XRN2: variants seen among roughly 807,000 people sequenced by gnomAD.
The protein encoded by XRN2 is DHM1-like protein.
Under a neutral mutation model 138.5 loss-of-function variants are expected in XRN2, and 44 were observed. The observed-to-expected ratio is 0.32, with a 90% CI of 0.25 to 0.41. The LOEUF (loss-of-function observed/expected upper bound fraction) is 0.41. XRN2 is among the 10% of genes least tolerant of loss of function. The probability of loss-of-function intolerance (pLI) is 1.00; values close to 1 mark genes in which losing one functional copy is unlikely to be tolerated. For missense variants in XRN2, 937 were observed against 1,169.3 expected (o/e 0.80, Z 2.90); for synonymous variants, 354 against 369.4 (o/e 0.96, Z 0.48).
intron 4 of XRN2, among the ~76,000 whole-genome samples, chr20:21,329,098 C>G (rs2038167125): frequency 6.6e-6 from 1 of 152,142 alleles, no homozygotes; most frequent in African/African-American, 2.4e-5. Context: ...AGAGGTCTAT[C>G]TGAGGAAGCC....
chr20:21,377,257 GTTTTTTCTTTTT>G (rs2038833329), intron 27 of XRN2, among the ~76,000 whole-genome samples: 1 of 30,322 alleles, frequency 3.3e-5, no homozygotes, highest in Admixed American at 3.2e-4. Context: ...TGATTTGTCG[GTTTTTTCTTTTT>G]TTTTTTTTTG....
intron 13 of XRN2, among the ~76,000 whole-genome samples, chr20:21,338,041 C>T (rs971522831): frequency 1.3e-5 from 2 of 152,178 alleles, no homozygotes; most frequent in Non-Finnish European, 2.9e-5. Flanking sequence ...CTGGGCTCCA[C>T]TTTAGAGCAG....
At chr20:21,385,200 A>G (rs956137751) in intron 28 of XRN2, among the ~76,000 whole-genome samples, 4 of 152,190 alleles carry the variant, frequency 2.6e-5, no homozygotes, top group East Asian at 1.9e-4. Context: ...CTAAAACTCA[A>G]TTGAATTTTA....
At chr20:21,346,287 C>T (rs2038434325) in intron 16 of XRN2, 128 bp from the exon 17 acceptor site, 2 of 1,212,940 alleles carry the variant, frequency 1.6e-6, no homozygotes, top group South Asian at 3.0e-5. Context: ...TCTGTGTTAG[C>T]ATGACTGTTT....
intron 13 of XRN2, among the ~76,000 whole-genome samples, chr20:21,337,365 G>A (rs1241865053): frequency 4.6e-5 from 7 of 152,218 alleles, no homozygotes. Context: ...TAAACATAGA[G>A]TGTAAGAGAA....
chr20:21,376,031 G>A (rs1388032747), intron 27 of XRN2, among the ~76,000 whole-genome samples: 2 of 152,068 alleles, frequency 1.3e-5, no homozygotes, highest in Non-Finnish European at 2.9e-5. Flanking sequence ...GTAGAGACGG[G>A]GTTTCACCGC....
At chr20:21,362,702 G>A (rs1258975523) in intron 24 of XRN2, among the ~76,000 whole-genome samples, 1 of 152,076 alleles carries the variant, frequency 6.6e-6, no homozygotes, top group Non-Finnish European at 1.5e-5. Context: ...CTTTCTTCCT[G>A]CCCCACTTCT....
intron 20 of XRN2, among the ~76,000 whole-genome samples, chr20:21,349,835 T>A (rs1346170942): frequency 6.6e-6 from 1 of 152,236 alleles, no homozygotes; most frequent in Non-Finnish European, 1.5e-5. Flanking sequence ...CAACCTGGGA[T>A]TAGCAATGAT....
At chr20:21,378,147 A>G (rs1033460016) in intron 27 of XRN2, among the ~76,000 whole-genome samples, 2 of 152,180 alleles carry the variant, frequency 1.3e-5, no homozygotes, top group African/African-American at 4.8e-5. Context: ...TTCTTCCTAT[A>G]AATCCTGTAT....
chr20:21,335,400 C>G (rs2038272093), intron 13 of XRN2, among the ~76,000 whole-genome samples: 1 of 152,210 alleles, frequency 6.6e-6, no homozygotes, highest in South Asian at 2.1e-4. Context: ...TTCATGATCT[C>G]CCAGCACATT....
chr20:21,332,250 C>G (rs752000654), intron 8 of XRN2, 33 bp from the exon 9 acceptor site: 67 of 1,597,662 alleles, frequency 4.2e-5, no homozygotes, highest in Non-Finnish European at 5.5e-5. Flanking sequence ...AGAATACTCA[C>G]TGTTCGATGT....
chr20:21,310,138 A>G (rs2037860203), intron 1 of XRN2, among the ~76,000 whole-genome samples: 1 of 152,192 alleles, frequency 6.6e-6, no homozygotes, highest in South Asian at 2.1e-4. Flanking sequence ...AAATATTAAC[A>G]TGTTGTATTT....
At chr20:21,361,236 T>G (rs1359310593) in intron 24 of XRN2, among the ~76,000 whole-genome samples, 1 of 152,260 alleles carries the variant, frequency 6.6e-6, no homozygotes, top group Non-Finnish European at 1.5e-5. Flanking sequence ...TTCAGTTTCC[T>G]TATTTTCAAC....
chr20:21,354,058 G>A (rs1156821683), intron 20 of XRN2, among the ~76,000 whole-genome samples: 1 of 151,474 alleles, frequency 6.6e-6, no homozygotes, highest in Non-Finnish European at 1.5e-5. Context: ...AAATATATAC[G>A]CTTCAATAAC....
intron 27 of XRN2, among the ~76,000 whole-genome samples, chr20:21,377,062 TC>T (rs1191889421): frequency 6.6e-6 from 1 of 152,096 alleles, no homozygotes; most frequent in African/African-American, 2.4e-5. Flanking sequence ...AGTTTGGACT[TC>T]CTAGAAGGCA....
At chr20:21,323,669 C>G (rs536148628) in intron 1 of XRN2, among the ~76,000 whole-genome samples, 1 of 152,174 alleles carries the variant, frequency 6.6e-6, no homozygotes, top group Non-Finnish European at 1.5e-5. Context: ...GCTCTTTTCT[C>G]AAAATTAGGA....
At position 21,326,258 on chromosome 20, in the gene XRN2, T is replaced by C. The variant is rs776903908; in HGVS notation, c.76-21T>C. 1.1e-5 allele frequency: 17 copies of C among 1,609,106 alleles called. No homozygotes were observed. The East Asian group carries it at 3.8e-4, about 36-fold the overall frequency. ...TTAGACTTGAACAATCAAACTACTA[T>C]TAATTATCACTTCCTCATAGCCAAA... On this transcript the variant is annotated intron_variant, in intron 1 of 29. Transcript: ENST00000377191.
At chr20:21,333,884 G>A in intron 11 of XRN2, 47 bp downstream of exon 11, 1 of 1,614,072 alleles carries the variant, frequency 6.2e-7, no homozygotes, top group South Asian at 1.1e-5. Context: ...TAGGCTTCTT[G>A]ACTTTACTGT....
intron 9 of XRN2, 139 bp downstream of exon 9, chr20:21,332,579 A>T: frequency 1.2e-6 from 1 of 855,604 alleles, no homozygotes; most frequent in African/African-American, 1.7e-5. Context: ...CCTTGTTTTT[A>T]AAATGGATGA....
Sources: allele counts gnomAD v4.1 joint callset (sites outside exome capture counted in the v4.1 genomes callset), GRCh38; gene constraint gnomAD v4.1.1; transcripts MANE v1.5; gene names NCBI Gene and HGNC (gene_info 2026-07-23, HGNC 2026-07-21).